Variants in RERE observed in about 807,000 individuals in gnomAD.
RERE encodes arginine-glutamic acid dipeptide repeats protein.
RERE carries 40 observed loss-of-function variants against 146.1 expected under a neutral mutation model. The observed-to-expected ratio is 0.27, with a 90% CI of 0.21 to 0.36. The LOEUF (loss-of-function observed/expected upper bound fraction) is 0.36. Among genes scored for constraint, RERE ranks in the 10% least tolerant of loss-of-function variants. The pLI is 1.00. For synonymous variants in RERE, 1,003 were observed against 866.0 expected, an observed-to-expected ratio of 1.16 and a Z score of -2.78; for missense variants, 1,933 against 2,138.7, an observed-to-expected ratio of 0.90 and a Z score of 1.90.
Position 8,750,416 on chromosome 1 carries a change from T to C in RERE, c.-145+66744A>G, listed in dbSNP as rs112460690. The stretch of plus-strand genomic sequence containing the variant: ...GTCTTTTAAAAACCAGTAGCCTCTT[T>C]TTCCGGCTGGAACCATGGAGGGTGT... On this transcript the variant is annotated intron_variant, in intron 1 of 22. Transcript: ENST00000400908. The C allele has an allele frequency of 1.3e-3, 1,025 of 764,094 alleles. 5 individuals carry two copies. The highest frequency in any genetic ancestry group is 6.9e-3 in the African/African-American group (403 of 58,268). 47.3% of individuals were successfully genotyped at this position (764,094 alleles called of 1,614,324 possible). A position where few individuals can be genotyped will look rare whatever the true frequency, so the allele number is the denominator to read the frequency against.
At position 8,356,037 on chromosome 1, in the gene RERE, C is replaced by G. The variant is rs534857047; in HGVS notation, c.4486+63G>C. 2 of 1,432,486 alleles carry G rather than the reference C, an allele frequency of 1.4e-6. No homozygotes were observed. The highest frequency in any genetic ancestry group is 1.8e-6 in the Non-Finnish European group (2 of 1,085,910). The allele number at this position is 1,432,486 out of a possible 1,614,324, so 88.7% of individuals were successfully genotyped here. ...ATGAATGAGTAATGAATGAAGACAG[C>G]AGACCAGACCCCAACCCAACCCTCA... On this transcript the variant is annotated intron_variant, in intron 21 of 22. Coordinates refer to ENST00000400908, the MANE Select transcript of RERE (RefSeq NM_001042681.2). This position sits in a 1 kb window ranked among gnomAD's most constrained non-coding sequence, Gnocchi z 5.2.
chr1:8,694,560 A>T (rs1639279496), intron 1 of RERE, among the ~76,000 whole-genome samples: 1 of 152,156 alleles, frequency 6.6e-6, no homozygotes, highest in Non-Finnish European at 1.5e-5. Flanking sequence ...GGAATTCAAG[A>T]CCAGCCTGAT....
chr1:8,393,632 G>A (rs1227799570), intron 12 of RERE, among the ~76,000 whole-genome samples: 2 of 152,126 alleles, frequency 1.3e-5, no homozygotes, highest in Non-Finnish European at 2.9e-5. Flanking sequence ...CGCAGGCAAG[G>A]TCCATTTCTG....
intron 12 of RERE, among the ~76,000 whole-genome samples, chr1:8,419,746 C>A (rs886065797): frequency 6.6e-6 from 1 of 152,132 alleles, no homozygotes; most frequent in South Asian, 2.1e-4. Flanking sequence ...ATTTTACAAA[C>A]GCAGAAATTA....
intron 8 of RERE, among the ~76,000 whole-genome samples, chr1:8,502,502 G>A (rs1396922584): frequency 5.7e-5 from 7 of 121,894 alleles, no homozygotes; most frequent in African/African-American, 1.0e-4. Flanking sequence ...CGCCCCATCC[G>A]GGAGGTCAGG....
intron 7 of RERE, among the ~76,000 whole-genome samples, chr1:8,528,011 G>C (rs1193361531): frequency 6.6e-6 from 1 of 152,120 alleles, no homozygotes; most frequent in Non-Finnish European, 1.5e-5. Context: ...AGTCCTTCAG[G>C]GACAAGGACA....
intron 12 of RERE, among the ~76,000 whole-genome samples, chr1:8,416,752 C>G (rs1643785668): frequency 1.3e-5 from 2 of 152,096 alleles, no homozygotes; most frequent in Non-Finnish European, 2.9e-5. Context: ...AAGACAGTAT[C>G]ATTTTAAGAA....
At chr1:8,366,916 CAAAAAAAAAAAACA>C (rs1377347292) in intron 12 of RERE, among the ~76,000 whole-genome samples, 42 of 107,694 alleles carry the variant, frequency 3.9e-4, no homozygotes, top group African/African-American at 1.4e-3. Flanking sequence ...AAAAAAAAAA[CAAAAAAAAAAAACA>C]AAAAAAAAAA....
At chr1:8,434,866 T>G (rs1644146946) in intron 11 of RERE, 1 of 152,208 alleles carries the variant, frequency 6.6e-6, no homozygotes, top group South Asian at 2.1e-4. Flanking sequence ...CCCAGACTCA[T>G]AAGTGAAGAA....
intron 11 of RERE, among the ~76,000 whole-genome samples, chr1:8,435,212 G>A (rs1644152177): frequency 6.6e-6 from 1 of 152,122 alleles, no homozygotes; most frequent in African/African-American, 2.4e-5. Context: ...TCATTTTAAG[G>A]CCTAGCTCTT....
intron 2 of RERE, among the ~76,000 whole-genome samples, chr1:8,625,943 T>C (rs1334215376): frequency 1.3e-5 from 2 of 152,230 alleles, no homozygotes; most frequent in Admixed American, 6.5e-5. Context: ...CTGATTTCTC[T>C]ACTCAAAGAT....
At position 8,688,656 on chromosome 1, in the gene RERE, G is replaced by A. The variant is rs111501757; in HGVS notation, c.-144-32215C>T. On this transcript the variant is annotated intron_variant, in intron 1 of 22. Coordinates refer to ENST00000400908, the MANE Select transcript of RERE (RefSeq NM_001042681.2). ...GCTACTCCAGAAGCTAAGGTGGGAG[G>A]ATAACTTGAGCATGGGAGCTATGAT... Among the ~76,000 whole-genome samples, 1,402 of 152,280 alleles carry A rather than the reference G, an allele frequency of 9.2e-3. 14 individuals carry two copies. The highest frequency in any genetic ancestry group is 0.018 in the South Asian group (85 of 4,824).
At chr1:8,458,030 G>C (rs1031776421) in intron 11 of RERE, among the ~76,000 whole-genome samples, 2 of 152,044 alleles carry the variant, frequency 1.3e-5, no homozygotes, top group African/African-American at 4.8e-5. Flanking sequence ...TTCAATTCCA[G>C]TTACCAATGT....
At chr1:8,539,064 T>G (rs1459488129) in intron 7 of RERE, among the ~76,000 whole-genome samples, 1 of 152,232 alleles carries the variant, frequency 6.6e-6, no homozygotes, top group African/African-American at 2.4e-5. Context: ...GTTACAAACC[T>G]GAGAGTTGAA....
At chr1:8,492,951 C>T (rs1358926555) in intron 10 of RERE, among the ~76,000 whole-genome samples, 1 of 151,718 alleles carries the variant, frequency 6.6e-6, no homozygotes, top group Non-Finnish European at 1.5e-5. Flanking sequence ...GCCTGTAATC[C>T]CAGCTACAGC....
chr1:8,369,031 AC>A (rs1221309962), intron 12 of RERE, among the ~76,000 whole-genome samples: 1 of 152,140 alleles, frequency 6.6e-6, no homozygotes, highest in Non-Finnish European at 1.5e-5. Context: ...CCCAATCTCT[AC>A]AAAAAAGTTT....
At chr1:8,431,290 T>A (rs1158335530) in intron 11 of RERE, among the ~76,000 whole-genome samples, 1 of 152,130 alleles carries the variant, frequency 6.6e-6, no homozygotes, top group Non-Finnish European at 1.5e-5. Context: ...AGCAGCGGCA[T>A]TAGATTTTCA....
chr1:8,627,389 G>A (rs1433678056), intron 2 of RERE, among the ~76,000 whole-genome samples: 1 of 152,062 alleles, frequency 6.6e-6, no homozygotes, highest in Non-Finnish European at 1.5e-5. Flanking sequence ...TGGATCACCT[G>A]AGGTCAGTTC....
intron 1 of RERE, among the ~76,000 whole-genome samples, chr1:8,771,326 A>G (rs1640944551): frequency 6.6e-6 from 1 of 151,862 alleles, no homozygotes; most frequent in Non-Finnish European, 1.5e-5. Context: ...GTTCGAGTCC[A>G]GCCTGGCCAA....
Sources: gnomAD v4.1 joint callset for allele counts (sites outside exome capture counted in the v4.1 genomes callset) on GRCh38, gnomAD v4.1.1 for gene constraint, Gnocchi (gnomAD v3.1) non-coding constraint, MANE v1.5 for transcripts, NCBI Gene and HGNC (gene_info 2026-07-23, HGNC 2026-07-21) for gene names.